The following GZMA variants were observed in gnomAD, a reference collection of about 807,000 sequenced individuals.
The protein encoded by GZMA is CTL tryptase.
GZMA carries 17 observed loss-of-function variants against 21.1 expected under a neutral mutation model. That is an observed-to-expected ratio of 0.81 (90% CI 0.55 to 1.21). The LOEUF is 1.21. Among genes scored for constraint, GZMA ranks in the 50% most tolerant of loss-of-function variants. GZMA has a pLI of 0.00. For synonymous variants in GZMA, 90 were observed against 107.8 expected (o/e 0.83, Z 1.03); for missense variants, 306 against 315.9 (o/e 0.97, Z 0.24).
chr5:55,107,598 G>C (rs1399185056), intron 2 of GZMA, among the ~76,000 whole-genome samples, 196 bp from the exon 3 acceptor site: 1 of 152,186 alleles, frequency 6.6e-6, no homozygotes, highest in Non-Finnish European at 1.5e-5. Flanking sequence ...TGATGATGAT[G>C]ATGACGATAA....
chr5:55,107,802 G>A lies in GZMA; in HGVS notation c.224G>A (p.Arg75Lys). 2 of 1,612,350 alleles carry A rather than the reference G, an allele frequency of 1.2e-6. No individual in the cohort carries two copies. Among genetic ancestry groups the A allele is most frequent in the Non-Finnish European group, 1.7e-6 (2 of 1,178,728 alleles). Reference protein sequence around the residue: ...LTAAHCNLNKRSQVILGAHSI... With the variant: ...LTAAHCNLNKKSQVILGAHSI... ...GTTGTGTCTGTTCTCAGGAACAAAA[G>A]GTCCCAGGTCATTCTTGGGGCTCAC... The change falls in exon 3 of 5, where the codon AGG becomes AAG. Residue 75 changes from arginine (R) to lysine (K), a missense_variant. Coordinates refer to ENST00000274306, the MANE Select transcript of GZMA (RefSeq NM_006144.4).
chr5:55,103,068 C>G (rs552319700), intron 1 of GZMA, among the ~76,000 whole-genome samples: 4 of 148,516 alleles, frequency 2.7e-5, no homozygotes, highest in African/African-American at 9.9e-5. Context: ...AAAATCTTTT[C>G]TTCTCATAAT....
At chr5:55,108,662 T>C (rs1742454847) in intron 4 of GZMA, among the ~76,000 whole-genome samples, 1 of 152,166 alleles carries the variant, frequency 6.6e-6, no homozygotes, top group African/African-American at 2.4e-5. Flanking sequence ...AAGCAATGTT[T>C]GGTCTCATTT....
intron 4 of GZMA, among the ~76,000 whole-genome samples, chr5:55,109,349 G>C (rs2111767985): frequency 6.6e-6 from 1 of 152,192 alleles, no homozygotes; most frequent in South Asian, 2.1e-4. Flanking sequence ...TAAGGCCACG[G>C]CAGCATCCCA....
chr5:55,103,155 T>C (rs745382060), intron 1 of GZMA, among the ~76,000 whole-genome samples: 16 of 152,252 alleles, frequency 1.1e-4, no homozygotes, highest in South Asian at 6.2e-4. Flanking sequence ...AAAAGGACAA[T>C]GTAAAAATGA....
At chr5:55,109,649 A>G (rs1742468642) in intron 4 of GZMA, among the ~76,000 whole-genome samples, 1 of 152,242 alleles carries the variant, frequency 6.6e-6, no homozygotes, top group Admixed American at 6.5e-5. Flanking sequence ...ACCACAAAAC[A>G]TAGTGTTTAT....
At chr5:55,104,892 G>A (rs10062709) in intron 1 of GZMA, among the ~76,000 whole-genome samples, 5,351 of 152,190 alleles carry the variant, frequency 0.035, 364 homozygotes, top group African/African-American at 0.12. Flanking sequence ...TGAAGGGGAG[G>A]TGCAATCGAT....
chr5:55,108,054 A>G (rs1209792720), intron 3 of GZMA, 71 bp from the exon 4 acceptor site: 4 of 1,416,686 alleles, frequency 2.8e-6, no homozygotes, highest in Non-Finnish European at 3.9e-6. Context: ...GGATCCTGAA[A>G]TTTTGGACTA....
chr5:55,106,659 A>G (rs1580328937), intron 2 of GZMA, among the ~76,000 whole-genome samples: 1 of 152,164 alleles, frequency 6.6e-6, no homozygotes, highest in East Asian at 1.9e-4. Context: ...CTTGTGTCCA[A>G]TGACCTTCTT....
At chr5:55,105,861 A>G (rs544042586) in intron 2 of GZMA, among the ~76,000 whole-genome samples, 1 of 151,920 alleles carries the variant, frequency 6.6e-6, no homozygotes, top group African/African-American at 2.4e-5. Context: ...AATCCCAGCT[A>G]CTTTGGAGGC....
rs773819120 is a variant in GZMA at position 55,107,926 on chromosome 5, AC to A, written c.349del (p.Leu117PhefsTer4). 1.9e-6 allele frequency: 3 copies of A among 1,612,940 alleles called. No individual in the cohort carries two copies. Among genetic ancestry groups the A allele is most frequent in the Middle Eastern group, 1.7e-4 (1 of 6,054 alleles). ...DPATREGDLKLLQLMEKAKIN... is the reference protein window; with the variant it reads ...DPATREGDLKXLQLMEKAKIN... Reference sequence around the variant, plus strand: ...CAGCCACACGCGAAGGTGACCTTAAACTTTTACAGGTACGTATCTTTGATTG... The same window carrying A: ...CAGCCACACGCGAAGGTGACCTTAAATTTTACAGGTACGTATCTTTGATTG... On this transcript the variant is annotated frameshift_variant, in exon 3 of 5. Coordinates refer to ENST00000274306, the MANE Select transcript of GZMA (RefSeq NM_006144.4). LOFTEE classifies it high-confidence loss of function.
In GZMA at chr5:55,107,784, C is replaced by G; in HGVS notation, c.216-10C>G. On this transcript the variant is annotated splice_polypyrimidine_tract_variant and intron_variant, in intron 2 of 4. Transcript: ENST00000274306. ...ATAAATCCAGTAAATAATGTTGTGT[C>G]TGTTCTCAGGAACAAAAGGTCCCAG... The G allele has an allele frequency of 6.2e-7, 1 of 1,609,168 alleles. No homozygotes were observed. The highest frequency in any genetic ancestry group is 8.5e-7 in the Non-Finnish European group (1 of 1,175,898).
chr5:55,105,591 G>T lies in GZMA; in HGVS notation c.188G>T (p.Trp63Leu), dbSNP rs1742373353. The change falls in exon 2 of 5, where the codon TGG (tryptophan) becomes TTG (leucine). Residue 63 changes from tryptophan (W) to leucine (L), a missense_variant. Physicochemically the swap from Trp to Leu is moderately conservative, Grantham distance 61. Coordinates refer to ENST00000274306, the MANE Select transcript of GZMA (RefSeq NM_006144.4). ...GCTGGGGCTTTGATTGCAAAAGACT[G>T]GGTGTTGACTGCAGCTCACTGTAAC... ...ICAGALIAKDWVLTAAHCNLN... is the reference protein window; with the variant it reads ...ICAGALIAKDLVLTAAHCNLN... The T allele has an allele frequency of 1.2e-6, 2 of 1,613,788 alleles. No individual in the cohort carries two copies. The highest frequency in any genetic ancestry group is 2.7e-5 in the African/African-American group (2 of 75,012).
intron 4 of GZMA, 145 bp from the exon 5 acceptor site, chr5:55,109,876 T>C: frequency 2.2e-6 from 1 of 457,714 alleles, no homozygotes; most frequent in Non-Finnish European, 3.8e-6. Context: ...TTTCCAAACA[T>C]TTTAATTTTT....
chr5:55,108,181 G>T lies in GZMA; in HGVS notation c.414G>T (p.Lys138Asn). Reference protein sequence around the residue: ...KYVTILHLPKKGDDVKPGTMC... With the variant: ...KYVTILHLPKNGDDVKPGTMC... ...TGACTATCCTTCATCTACCTAAAAAGGGGGACGATGTGAAACCAGGAACCA... is the reference window on the plus strand; with the variant it reads ...TGACTATCCTTCATCTACCTAAAAATGGGGACGATGTGAAACCAGGAACCA... Residue 138 changes from lysine to asparagine, a missense_variant, in exon 4 of 5, where the codon AAG (lysine) becomes AAT (asparagine). Transcript: ENST00000274306. 1.2e-6 allele frequency: 2 copies of T among 1,610,824 alleles called. No homozygotes were observed. The highest frequency in any genetic ancestry group is 1.7e-6 in the Non-Finnish European group (2 of 1,177,082).
Position 55,110,024 on chromosome 5 carries a change from G to T in GZMA, c.631G>T (p.Asp211Tyr). ...TACCCCTCTTGTTTTCCTCCAGGGA[G>T]ATTCTGGAAGCCCTTTGTTGTGCGA... ...LRGGRDSCNG[D>Y]SGSPLLCEGV... The change falls in exon 5 of 5, where the codon GAT becomes TAT. Residue 211 changes from aspartate to tyrosine, a missense_variant. By Grantham distance (160) the Asp-to-Tyr change is radical (BLOSUM62 -3). Coordinates refer to ENST00000274306, the MANE Select transcript of GZMA (RefSeq NM_006144.4). The T allele has an allele frequency of 6.2e-7, 1 of 1,600,006 alleles. No homozygotes were observed. Among genetic ancestry groups the T allele is most frequent in the Non-Finnish European group, 8.5e-7 (1 of 1,174,716 alleles).
In GZMA at chr5:55,110,194, CT is replaced by C. The variant is rs778748524; in HGVS notation, c.*15del. 8 of 1,551,456 alleles carry C rather than the reference CT, an allele frequency of 5.2e-6. No homozygotes were observed. The highest frequency in any genetic ancestry group is 1.4e-5 in the African/African-American group (1 of 71,776). On this transcript the variant is annotated 3_prime_UTR_variant, in exon 5 of 5. Transcript: ENST00000274306. Reference sequence around the variant, plus strand: ...AGGGAGCAGTTTAAATAACCGTTTCCTTTCATTTACTGTGGCTTCTTAATCT... The same window carrying C: ...AGGGAGCAGTTTAAATAACCGTTTCCTTCATTTACTGTGGCTTCTTAATCT...
chr5:55,110,170 G>A lies in GZMA; in HGVS notation c.777G>A (p.Lys259=). 1.3e-6 allele frequency: 2 copies of A among 1,590,952 alleles called. No individual in the cohort carries two copies. Among genetic ancestry groups the A allele is most frequent in the Non-Finnish European group, 1.7e-6 (2 of 1,171,376 alleles). ...TCAACTGGATAATTATGACTATCAA[G>A]GGAGCAGTTTAAATAACCGTTTCCT... ...KHLNWIIMTI[K]GAV Residue 259 remains lysine (K), a synonymous_variant, in exon 5 of 5, where the codon AAG becomes AAA. Transcript: ENST00000274306.
chr5:55,109,992 C>T, intron 4 of GZMA, 29 bp from the exon 5 acceptor site: 1 of 1,545,418 alleles, frequency 6.5e-7, no homozygotes, highest in Non-Finnish European at 8.7e-7. Context: ...ACACTGACCC[C>T]ACACCCTACC....
Sources: allele counts gnomAD v4.1 joint callset (sites outside exome capture counted in the v4.1 genomes callset), GRCh38; gene constraint gnomAD v4.1.1; transcripts MANE v1.5; gene names NCBI Gene and HGNC (gene_info 2026-07-23, HGNC 2026-07-21).